Variants in EPB41L2 observed in about 807,000 individuals in gnomAD.
EPB41L2 encodes the protein erythrocyte membrane protein band 4.1 like 2.
Under a neutral mutation model 113.0 loss-of-function variants are expected in EPB41L2, and 43 were observed. The observed-to-expected ratio is 0.38, with a 90% CI of 0.30 to 0.49. EPB41L2 has a LOEUF of 0.49. Among genes scored for constraint, EPB41L2 ranks in the 20% least tolerant of loss-of-function variants. EPB41L2 has a pLI of 0.95. For missense variants in EPB41L2, 1,147 were observed against 1,223.4 expected (o/e 0.94, Z 0.93); for synonymous variants, 442 against 436.7 (o/e 1.01, Z -0.15).
chr6:131,040,671 T>G (rs1794289299), intron 1 of EPB41L2, among the ~76,000 whole-genome samples: 1 of 152,164 alleles, frequency 6.6e-6, no homozygotes, highest in South Asian at 2.1e-4. Flanking sequence ...AAAACTATAA[T>G]TTTACAACAG....
chr6:130,960,243 C>T (rs1283113283), intron 1 of EPB41L2, among the ~76,000 whole-genome samples: 1 of 152,072 alleles, frequency 6.6e-6, no homozygotes, highest in Non-Finnish European at 1.5e-5. Context: ...GAGTCCTTGG[C>T]CTAGTACTCA....
At chr6:130,984,876 G>T (rs1385845186) in intron 1 of EPB41L2, among the ~76,000 whole-genome samples, 1 of 152,142 alleles carries the variant, frequency 6.6e-6, no homozygotes. Context: ...GTAAATAGAA[G>T]AAACTTGAAT....
intron 19 of EPB41L2, among the ~76,000 whole-genome samples, chr6:130,849,034 A>G (rs1395334499): frequency 6.6e-6 from 1 of 152,176 alleles, no homozygotes; most frequent in African/African-American, 2.4e-5. Flanking sequence ...ACAAAGTCAT[A>G]ACCACCACCC....
chr6:130,898,861 A>G (rs900340480), intron 8 of EPB41L2, among the ~76,000 whole-genome samples: 5 of 151,988 alleles, frequency 3.3e-5, no homozygotes, highest in Admixed American at 1.3e-4. Context: ...TATTTTTGAG[A>G]TTTTGATCTT....
chr6:130,891,273 T>C (rs1792744211), intron 10 of EPB41L2, among the ~76,000 whole-genome samples: 1 of 152,074 alleles, frequency 6.6e-6, no homozygotes, highest in Non-Finnish European at 1.5e-5. Flanking sequence ...TAAAGAACAC[T>C]ATCATTTCAA....
At chr6:130,890,171 C>G (rs138338232) in intron 11 of EPB41L2, 123 bp downstream of exon 11, 1 of 967,096 alleles carries the variant, frequency 1.0e-6, no homozygotes, top group African/African-American at 1.7e-5. Context: ...TTTATTTACT[C>G]GGGAAAAAAT....
chr6:130,882,778 G>C (rs1789728142), intron 12 of EPB41L2: 1 of 152,828 alleles, frequency 6.5e-6, no homozygotes, highest in Non-Finnish European at 1.5e-5. Context: ...GGAGGCTGGG[G>C]AAAGCAAGAT....
intron 3 of EPB41L2, among the ~76,000 whole-genome samples, chr6:130,954,606 A>G (rs1250171320): frequency 6.6e-6 from 1 of 152,212 alleles, no homozygotes; most frequent in Non-Finnish European, 1.5e-5. Context: ...ATTATAAGGT[A>G]CTAGATGCGT....
chr6:130,857,971 A>C, intron 19 of EPB41L2, among the ~76,000 whole-genome samples, 160 bp downstream of exon 19: 1 of 152,216 alleles, frequency 6.6e-6, no homozygotes, highest in East Asian at 1.9e-4. Flanking sequence ...CAGAGATTAT[A>C]TACACCCGAG....
At chr6:130,929,677 T>C (rs1806036410) in intron 3 of EPB41L2, among the ~76,000 whole-genome samples, 1 of 152,122 alleles carries the variant, frequency 6.6e-6, no homozygotes, top group Admixed American at 6.6e-5. Flanking sequence ...AAGCATTATG[T>C]ATCTACCAAT....
chr6:130,915,226 C>A (rs1217012345), intron 4 of EPB41L2, among the ~76,000 whole-genome samples: 2 of 151,778 alleles, frequency 1.3e-5, no homozygotes, highest in Admixed American at 1.3e-4. Context: ...TGGCGTGAAC[C>A]CGGGAGGCGG....
In EPB41L2 at chr6:130,894,017, C is replaced by T. The variant is rs778920390; in HGVS notation, c.1487+327G>A. On this transcript the variant is annotated intron_variant, in intron 10 of 19. Transcript: ENST00000337057. Reference sequence around the variant, plus strand: ...GCAGGGGCAGCTCAGTTATAAATGACAATGCATGGACAGAAATGGACCTGG... The same window carrying T: ...GCAGGGGCAGCTCAGTTATAAATGATAATGCATGGACAGAAATGGACCTGG... Among the ~76,000 whole-genome samples, 32 of 152,074 alleles carry T rather than the reference C, an allele frequency of 2.1e-4. 1 individual carries two copies. Among genetic ancestry groups the T allele is most frequent in the Middle Eastern group, 6.8e-3 (2 of 294 alleles).
At chr6:131,022,819 T>G (rs1789811590) in intron 1 of EPB41L2, among the ~76,000 whole-genome samples, 1 of 152,214 alleles carries the variant, frequency 6.6e-6, no homozygotes, top group African/African-American at 2.4e-5. Flanking sequence ...AAATATTTTT[T>G]AAATGGAATT....
intron 19 of EPB41L2, among the ~76,000 whole-genome samples, chr6:130,854,333 T>C (rs1258254706): frequency 2.0e-5 from 3 of 152,048 alleles, no homozygotes; most frequent in Admixed American, 2.0e-4. Context: ...TAAATACTTT[T>C]TGAATGCATG....
At chr6:130,850,334 G>T (rs889995098) in intron 19 of EPB41L2, among the ~76,000 whole-genome samples, 1 of 152,158 alleles carries the variant, frequency 6.6e-6, no homozygotes, top group Non-Finnish European at 1.5e-5. Flanking sequence ...ATACAAAAAT[G>T]TACAAACAAG....
chr6:131,038,101 A>G (rs4895907), intron 1 of EPB41L2, among the ~76,000 whole-genome samples: 42,688 of 152,016 alleles, frequency 0.28, 7,096 homozygotes, highest in Non-Finnish European at 0.37. Context: ...AATGTATTTC[A>G]GCTTGATTTG....
At chr6:130,934,679 A>T (rs979167897) in intron 3 of EPB41L2, among the ~76,000 whole-genome samples, 22 of 151,928 alleles carry the variant, frequency 1.4e-4, no homozygotes, top group Non-Finnish European at 2.9e-4. Context: ...GGGTTTCATC[A>T]TCTTACCCAG....
At chr6:131,027,075 T>C (rs1791035612) in intron 1 of EPB41L2, among the ~76,000 whole-genome samples, 1 of 152,064 alleles carries the variant, frequency 6.6e-6, no homozygotes, top group African/African-American at 2.4e-5. Context: ...ACAGCCCTCA[T>C]TCCAAATACT....
chr6:130,966,173 A>G (rs976183869), intron 1 of EPB41L2, among the ~76,000 whole-genome samples: 2 of 152,198 alleles, frequency 1.3e-5, no homozygotes, highest in African/African-American at 4.8e-5. Flanking sequence ...TCCTACAGAT[A>G]TATCTGTGCA....
Sources: gnomAD v4.1 joint callset for allele counts (sites outside exome capture counted in the v4.1 genomes callset) on GRCh38, gnomAD v4.1.1 for gene constraint, MANE v1.5 for transcripts, NCBI Gene and HGNC (gene_info 2026-07-23, HGNC 2026-07-21) for gene names.